The following MPP7 variants were observed in gnomAD, a reference collection of about 807,000 sequenced individuals.
MPP7 encodes the protein MAGUK p55 scaffold protein 7, also known as MAGUK p55 subfamily member 7.
MPP7 carries 60 observed loss-of-function variants against 76.5 expected under a neutral mutation model. The observed-to-expected ratio is 0.78, with a 90% CI of 0.64 to 0.97. MPP7 has a LOEUF of 0.97. Ranked by LOEUF, MPP7 falls within the 50% of genes least tolerant of loss-of-function variation. MPP7 has a pLI of 0.00. For missense variants in MPP7, 641 were observed against 694.0 expected (o/e 0.92, Z 0.86); for synonymous variants, 237 against 244.5 (o/e 0.97, Z 0.29).
intron 2 of MPP7, among the ~76,000 whole-genome samples, chr10:28,237,464 G>A (rs1564724126): frequency 6.7e-6 from 1 of 148,640 alleles, no homozygotes; most frequent in Non-Finnish European, 1.5e-5. Flanking sequence ...AATCACAGCG[G>A]AAAAAAAAAA....
intron 1 of MPP7, among the ~76,000 whole-genome samples, chr10:28,265,335 G>A (rs1014890452): frequency 6.6e-6 from 1 of 152,192 alleles, no homozygotes; most frequent in Admixed American, 6.5e-5. Context: ...AAGGCGGGGG[G>A]ACTGCTTGAG....
At chr10:28,248,208 G>A (rs1032617553) in intron 1 of MPP7, among the ~76,000 whole-genome samples, 1 of 151,970 alleles carries the variant, frequency 6.6e-6, no homozygotes, top group Non-Finnish European at 1.5e-5. Context: ...AACACACCCT[G>A]GAATGAATCT....
rs151158700 is a variant in MPP7 at position 28,071,974 on chromosome 10, C to T, written c.1124-2122G>A. Among the ~76,000 whole-genome samples, 94 of 152,142 alleles carry T rather than the reference C, an allele frequency of 6.2e-4. 1 individual carries two copies. In the East Asian group the frequency reaches 0.016, roughly 26 times the overall value. On this transcript the variant is annotated intron_variant, in intron 12 of 16. Coordinates refer to ENST00000683449, the MANE Select transcript of MPP7 (RefSeq NM_001318170.2). The stretch of plus-strand genomic sequence containing the variant: ...AAACAATACAAATGACCTGAGCTTA[C>T]CCAAGAGTAGTATATGGGGCCTGGC...
At chr10:28,082,890 C>T (rs1269445896) in intron 12 of MPP7, among the ~76,000 whole-genome samples, 5 of 152,168 alleles carry the variant, frequency 3.3e-5, no homozygotes, top group Non-Finnish European at 7.3e-5. Context: ...CACCACTATG[C>T]TGGGCAATAA....
chr10:28,059,743 T>A lies in MPP7; in HGVS notation c.1205A>T (p.His402Leu). 1 of 1,607,288 alleles carries A rather than the reference T, an allele frequency of 6.2e-7. No individual in the cohort carries two copies. Among genetic ancestry groups the A allele is most frequent in the Non-Finnish European group, 8.5e-7 (1 of 1,175,056 alleles). The change falls in exon 14 of 17, where the codon CAT becomes CTT. Residue 402 changes from histidine to leucine, a missense_variant and splice_region_variant. His to Leu is a moderately conservative substitution (Grantham distance 99, BLOSUM62 -3). Coordinates refer to ENST00000683449, the MANE Select transcript of MPP7 (RefSeq NM_001318170.2). ...CTGGCTTCTTCTTGCTCTGGTGGTATCTATGATTTAATGAAAAGGAGTTTA... is the reference window on the plus strand; with the variant it reads ...CTGGCTTCTTCTTGCTCTGGTGGTAACTATGATTTAATGAAAAGGAGTTTA... ...DTQHYGVTVP[H>L]TTRARRSQES... is the part of the protein sequence containing the mutation.
chr10:28,059,665 T>C lies in MPP7; in HGVS notation c.1283A>G (p.Asp428Gly), dbSNP rs777827298. The C allele has an allele frequency of 6.8e-6, 11 of 1,612,506 alleles. No homozygotes were observed. The African/African-American group carries it at 8.0e-5, about 12-fold the overall frequency. Reference protein sequence around the residue: ...IFISKHLFETDVQNNKFIEYG... With the variant: ...IFISKHLFETGVQNNKFIEYG... ...GTCCACATACTTGTTATTTTGTACA[T>C]CTGTCTCAAACAAATGCTTGGAAAT... Residue 428 changes from aspartate (D) to glycine (G), a missense_variant, in exon 14 of 17, where the codon GAT (aspartate) becomes GGT (glycine). Physicochemically the swap from Asp to Gly is moderately conservative, Grantham distance 94. Transcript: ENST00000683449.
At chr10:28,328,274 G>T (rs893469126) in intron 2 of MPP7, among the ~76,000 whole-genome samples, 8 of 151,982 alleles carry the variant, frequency 5.3e-5, no homozygotes, top group Non-Finnish European at 2.9e-5. Context: ...TGTTTTTTGA[G>T]GTCTATTTCA....
At chr10:28,291,535 G>C (rs1009410494) in intron 1 of MPP7, among the ~76,000 whole-genome samples, 5 of 152,130 alleles carry the variant, frequency 3.3e-5, no homozygotes, top group African/African-American at 1.2e-4. Flanking sequence ...AACCCAGTGG[G>C]GCAGAGGTTG....
chr10:28,131,390 A>C (rs1384018868), intron 6 of MPP7, among the ~76,000 whole-genome samples, 170 bp downstream of exon 6: 1 of 152,194 alleles, frequency 6.6e-6, no homozygotes, highest in Non-Finnish European at 1.5e-5. Context: ...TAAAATGTCT[A>C]TTAACCTTCA....
At chr10:28,158,433 G>C (rs113069632) in intron 3 of MPP7, among the ~76,000 whole-genome samples, 1 of 152,132 alleles carries the variant, frequency 6.6e-6, no homozygotes, top group Non-Finnish European at 1.5e-5. Context: ...CAGCCGGCAG[G>C]GGGGCCCACA....
chr10:28,104,841 A>G (rs1017904009), intron 11 of MPP7, among the ~76,000 whole-genome samples: 1 of 152,146 alleles, frequency 6.6e-6, no homozygotes, highest in Non-Finnish European at 1.5e-5. Flanking sequence ...TTCCAGGTGC[A>G]CTAACCTTGT....
At chr10:28,137,091 A>G (rs1284755206) in intron 5 of MPP7, among the ~76,000 whole-genome samples, 1 of 152,238 alleles carries the variant, frequency 6.6e-6, no homozygotes, top group Non-Finnish European at 1.5e-5. Flanking sequence ...AAAAGATTTA[A>G]AAAACACATT....
intron 11 of MPP7, among the ~76,000 whole-genome samples, chr10:28,099,323 G>A (rs77624078): frequency 1.2e-3 from 187 of 152,248 alleles, no homozygotes; most frequent in Non-Finnish European, 2.3e-3. Context: ...GGACAGTTTA[G>A]ATCTTTGATT....
intron 13 of MPP7, among the ~76,000 whole-genome samples, chr10:28,061,153 CAAAAACAAAA>C (rs1435871337): frequency 6.8e-6 from 1 of 147,590 alleles, no homozygotes; most frequent in Non-Finnish European, 1.5e-5. Flanking sequence ...ATGAAAGAAC[CAAAAACAAAA>C]AAAAACAAAA....
upstream of MPP7, among the ~76,000 whole-genome samples, chr10:28,307,898 C>T (rs1182825913): frequency 6.6e-6 from 1 of 152,126 alleles, no homozygotes; most frequent in Non-Finnish European, 1.5e-5. Flanking sequence ...TGGTGCATTG[C>T]TAGCAGGGGT....
intron 1 of MPP7, among the ~76,000 whole-genome samples, chr10:28,302,455 A>G (rs1393293005): frequency 1.3e-5 from 2 of 152,194 alleles, no homozygotes; most frequent in South Asian, 4.1e-4. Flanking sequence ...GAAAGAAAAA[A>G]AAGAAGCCAG....
rs71492567 is a variant in MPP7 at position 28,262,204 on chromosome 10, T to C, written c.-131-23469A>G. ...AATAAATTATATATATATATATATATATACATATATATATATATATACATA... is the reference window on the plus strand; with the variant it reads ...AATAAATTATATATATATATATATACATACATATATATATATATATACATA... On this transcript the variant is annotated intron_variant, in intron 1 of 16. Coordinates refer to ENST00000683449, the MANE Select transcript of MPP7 (RefSeq NM_001318170.2). Among the ~76,000 whole-genome samples, 50 of 6,788 alleles carry C rather than the reference T, an allele frequency of 7.4e-3. 6 individuals are homozygous for C. Among genetic ancestry groups the C allele is most frequent in the African/African-American group, 9.2e-3 (30 of 3,260 alleles). 4.5% of individuals were successfully genotyped at this position (6,788 alleles called of 152,430 possible). A position where few individuals can be genotyped will look rare whatever the true frequency, so the allele number is the denominator to read the frequency against.
At chr10:28,237,286 A>G (rs1839108695) in intron 2 of MPP7, among the ~76,000 whole-genome samples, 1 of 152,226 alleles carries the variant, frequency 6.6e-6, no homozygotes, top group South Asian at 2.1e-4. Flanking sequence ...GGAAAGTTAA[A>G]TCATTCATTT....
intron 2 of MPP7, among the ~76,000 whole-genome samples, chr10:28,204,442 CAAAA>C (rs35353394): frequency 1.1e-5 from 1 of 95,022 alleles, no homozygotes. Flanking sequence ...AACTCCGTCT[CAAAA>C]AAAAAAAAAA....
Sources: allele counts gnomAD v4.1 joint callset (sites outside exome capture counted in the v4.1 genomes callset), GRCh38; gene constraint gnomAD v4.1.1; transcripts MANE v1.5; gene names NCBI Gene and HGNC (gene_info 2026-07-23, HGNC 2026-07-21).